The following KIAA1217 variants were observed in gnomAD, a reference collection of about 807,000 sequenced individuals.
KIAA1217 encodes sickle tail protein homolog.
In KIAA1217, 88 loss-of-function variants were observed where a neutral mutation model predicts 163.9. That is an observed-to-expected ratio of 0.54 (90% CI 0.45 to 0.64). KIAA1217 has a LOEUF of 0.64. KIAA1217 is among the 30% of genes least tolerant of loss of function. The probability of loss-of-function intolerance (pLI) is 0.00; values close to 1 mark genes in which losing one functional copy is unlikely to be tolerated. For missense variants in KIAA1217, 2,372 were observed against 2,475.0 expected, an observed-to-expected ratio of 0.96 and a Z score of 0.88; for synonymous variants, 903 against 923.1, an observed-to-expected ratio of 0.98 and a Z score of 0.39.
chr10:23,854,174 T>C (rs1042367392), intron 1 of KIAA1217, among the ~76,000 whole-genome samples: 3 of 152,074 alleles, frequency 2.0e-5, no homozygotes, highest in East Asian at 1.9e-4. Flanking sequence ...TCCCTCTACA[T>C]GCTGCTTTGA....
intron 1 of KIAA1217, among the ~76,000 whole-genome samples, chr10:23,860,969 A>T (rs1303360317): frequency 6.7e-6 from 1 of 148,492 alleles, no homozygotes; most frequent in East Asian, 2.0e-4. Flanking sequence ...GCTGGAGTGC[A>T]GTGGGGGGTC....
intron 1 of KIAA1217, among the ~76,000 whole-genome samples, chr10:23,957,183 T>G (rs1198866114): frequency 6.6e-6 from 1 of 152,152 alleles, no homozygotes; most frequent in African/African-American, 2.4e-5. Context: ...CCTCACGCTT[T>G]CCAGAGTCCC....
intron 3 of KIAA1217, among the ~76,000 whole-genome samples, chr10:24,413,654 C>G (rs1462773102): frequency 6.6e-6 from 1 of 152,214 alleles, no homozygotes; most frequent in Admixed American, 6.5e-5. Flanking sequence ...CCTCCAAACA[C>G]AGTAGCTCTC....
chr10:24,537,890 T>G (rs2074271907), intron 17 of KIAA1217, among the ~76,000 whole-genome samples: 2 of 152,230 alleles, frequency 1.3e-5, no homozygotes, highest in South Asian at 4.1e-4. Context: ...CCTGAATGTT[T>G]GAAATGCAAC....
chr10:23,827,286 C>A (rs547862812), intron 1 of KIAA1217, among the ~76,000 whole-genome samples: 1 of 152,230 alleles, frequency 6.6e-6, no homozygotes, highest in Admixed American at 6.5e-5. Flanking sequence ...AAGTTGAGAA[C>A]CACTGGCCTA....
intron 2 of KIAA1217, among the ~76,000 whole-genome samples, chr10:24,110,212 A>G (rs577107147): frequency 6.6e-6 from 1 of 152,314 alleles, no homozygotes; most frequent in South Asian, 2.1e-4. Flanking sequence ...TCCGAAGACA[A>G]ACTAGTTGTA....
chr10:23,953,589 A>T (rs992674556), intron 1 of KIAA1217, among the ~76,000 whole-genome samples: 1 of 152,226 alleles, frequency 6.6e-6, no homozygotes, highest in South Asian at 2.1e-4. Context: ...AACATTAGGC[A>T]TATTTTCTAT....
At chr10:23,749,712 C>A (rs1564389215) in intron 1 of KIAA1217, among the ~76,000 whole-genome samples, 1 of 152,162 alleles carries the variant, frequency 6.6e-6, no homozygotes, top group African/African-American at 2.4e-5. Flanking sequence ...GCATTTTGAT[C>A]TTTTTTCTTT....
intron 2 of KIAA1217, among the ~76,000 whole-genome samples, chr10:24,052,978 A>C (rs761875790): frequency 6.6e-5 from 10 of 152,154 alleles, no homozygotes; most frequent in Non-Finnish European, 1.3e-4. Flanking sequence ...AATCTAGACA[A>C]AAGAAGAACC....
At chr10:24,093,482 T>G (rs1014194115) in intron 2 of KIAA1217, among the ~76,000 whole-genome samples, 8 of 151,548 alleles carry the variant, frequency 5.3e-5, no homozygotes, top group Non-Finnish European at 1.0e-4. Context: ...CTATTCTTTT[T>G]CAGTAGAGAC....
At chr10:24,533,860 G>A (rs1003720681) in intron 16 of KIAA1217, among the ~76,000 whole-genome samples, 4 of 152,158 alleles carry the variant, frequency 2.6e-5, no homozygotes, top group Admixed American at 6.5e-5. Context: ...GAAGGATGGC[G>A]TGCCAAGGCT....
chr10:23,710,896 G>A (rs1266076446), intron 1 of KIAA1217, among the ~76,000 whole-genome samples: 1 of 152,170 alleles, frequency 6.6e-6, no homozygotes, highest in East Asian at 1.9e-4. Flanking sequence ...GATCAATAAA[G>A]CAAACCAATG....
intron 1 of KIAA1217, among the ~76,000 whole-genome samples, chr10:23,821,574 C>T (rs1374914969): frequency 1.3e-5 from 2 of 152,184 alleles, no homozygotes; most frequent in East Asian, 3.8e-4. Flanking sequence ...CCACTTGGCC[C>T]TTCTTTTAAT....
intron 1 of KIAA1217, among the ~76,000 whole-genome samples, chr10:23,912,160 C>T (rs1028996697): frequency 6.6e-6 from 1 of 152,054 alleles, no homozygotes; most frequent in African/African-American, 2.4e-5. Context: ...AAACATTGAC[C>T]TAAACTGACA....
chr10:24,227,142 G>GTAT (rs2070682064), intron 2 of KIAA1217, among the ~76,000 whole-genome samples: 2 of 55,860 alleles, frequency 3.6e-5, no homozygotes, highest in Admixed American at 1.6e-4. Flanking sequence ...AGATATAAAG[G>GTAT]GATTATTATT....
At chr10:24,513,575 T>C (rs1393178770) in intron 10 of KIAA1217, 141 bp downstream of exon 10, 5 of 735,300 alleles carry the variant, frequency 6.8e-6, no homozygotes, top group Non-Finnish European at 1.1e-5. Flanking sequence ...GTTCTGCTGA[T>C]GCTGGTATAT....
intron 3 of KIAA1217, among the ~76,000 whole-genome samples, chr10:24,398,710 CCTG>C (rs983483348): frequency 6.6e-6 from 1 of 152,092 alleles, no homozygotes; most frequent in Non-Finnish European, 1.5e-5. Flanking sequence ...TGCACAGTGA[CCTG>C]CTAACACTTA....
intron 1 of KIAA1217, among the ~76,000 whole-genome samples, chr10:23,884,065 C>T (rs368399854): frequency 6.6e-6 from 1 of 152,022 alleles, no homozygotes; most frequent in East Asian, 2.0e-4. Flanking sequence ...GGCTATTAGA[C>T]ACGTCTGTGT....
At chr10:24,378,360 G>T in intron 2 of KIAA1217, among the ~76,000 whole-genome samples, 1 of 152,070 alleles carries the variant, frequency 6.6e-6, no homozygotes, top group East Asian at 1.9e-4. Context: ...GGAGTGGGTA[G>T]CCCTGTACTT....
Sources: gnomAD v4.1 joint callset for allele counts (sites outside exome capture counted in the v4.1 genomes callset) on GRCh38, gnomAD v4.1.1 for gene constraint, MANE v1.5 for transcripts, NCBI Gene and HGNC (gene_info 2026-07-23, HGNC 2026-07-21) for gene names.